SPATA6L: variants seen among roughly 807,000 people sequenced by gnomAD.
The protein encoded by SPATA6L is spermatogenesis associated 6 like, also known as spermatogenesis associated 6-like protein.
SPATA6L carries 68 observed loss-of-function variants against 49.2 expected under a neutral mutation model. The observed-to-expected ratio is 1.38, with a 90% CI of 1.14 to 1.69. The LOEUF (loss-of-function observed/expected upper bound fraction) is 1.69. Among genes scored for constraint, SPATA6L ranks in the 40% most tolerant of loss-of-function variants. The pLI is 0.00. For synonymous variants in SPATA6L, 198 were observed against 165.7 expected (o/e 1.19, Z -1.50); for missense variants, 668 against 464.3 (o/e 1.44, Z -4.03).
intron 9 of SPATA6L, among the ~76,000 whole-genome samples, chr9:4,610,217 C>T (rs1418082356): frequency 1.3e-5 from 2 of 150,976 alleles, no homozygotes; most frequent in Non-Finnish European, 3.0e-5. Flanking sequence ...AATGGCCATA[C>T]TGCCCAAGGT....
At position 4,606,791 on chromosome 9, in the gene SPATA6L, G is replaced by A. The variant is rs1276598451; in HGVS notation, c.996-1351C>T. Among the ~76,000 whole-genome samples the A allele has an allele frequency of 1.1e-4, 17 of 148,446 alleles. 1 individual carries two copies. The Middle Eastern group carries it at 0.014, about 121-fold the overall frequency. On this transcript the variant is annotated intron_variant, in intron 9 of 11. Transcript: ENST00000682582. ...CACCAGCAATGGAACAAAGCTGGAC[G>A]GAGAACGACTTCGACGAGCTGAGAG... is the stretch of plus-strand genomic sequence containing the variant.
At chr9:4,598,006 A>G (rs1302032650), downstream of SPATA6L, among the ~76,000 whole-genome samples, 2 of 152,036 alleles carry the variant, frequency 1.3e-5, no homozygotes, top group Admixed American at 6.5e-5. Context: ...CTCAAATTAC[A>G]CCTAAAACCC....
rs185909998 is a variant in SPATA6L at position 4,599,288 on chromosome 9, C to T, written c.*1523G>A. Among the ~76,000 whole-genome samples the T allele has an allele frequency of 1.2e-3, 188 of 152,266 alleles. No homozygotes were observed. The highest frequency in any genetic ancestry group is 1.9e-3 in the Non-Finnish European group (131 of 68,024). Reference sequence around the variant, plus strand: ...TTTCAGATTTTTAGATTGGGAGGTTCAACTTGGATATACCTTTATTTGGCT... The same window carrying T: ...TTTCAGATTTTTAGATTGGGAGGTTTAACTTGGATATACCTTTATTTGGCT... On this transcript the variant is annotated 3_prime_UTR_variant, in exon 12 of 12. Coordinates refer to ENST00000682582, the MANE Select transcript of SPATA6L (RefSeq NM_001353486.2).
At chr9:4,592,768 T>A (rs1821991905) in intron 13 of SPATA6L, among the ~76,000 whole-genome samples, 1 of 152,246 alleles carries the variant, frequency 6.6e-6, no homozygotes, top group Non-Finnish European at 1.5e-5. Flanking sequence ...GTTGTGTTCT[T>A]ATCATATCCC....
intron 7 of SPATA6L, among the ~76,000 whole-genome samples, chr9:4,619,401 A>C (rs544331136): frequency 1.2e-3 from 176 of 151,106 alleles, no homozygotes; most frequent in Non-Finnish European, 2.3e-3. Context: ...CAGGTGACCC[A>C]CCCGCCTCAG....
intron 3 of SPATA6L, among the ~76,000 whole-genome samples, chr9:4,647,924 T>A (rs1259131237): frequency 6.6e-6 from 1 of 151,916 alleles, no homozygotes; most frequent in Non-Finnish European, 1.5e-5. Context: ...AACCTCTACC[T>A]TGCAGGTTCA....
At chr9:4,603,435 C>T (rs1265234656) in intron 11 of SPATA6L, among the ~76,000 whole-genome samples, 2 of 151,738 alleles carry the variant, frequency 1.3e-5, no homozygotes, top group African/African-American at 4.8e-5. Context: ...AAAACAAAAA[C>T]AAAAACAAAA....
At position 4,605,435 on chromosome 9, in the gene SPATA6L, T is replaced by A; in HGVS notation, c.1001A>T (p.His334Leu). Reference protein sequence around the residue: ...LDQPLLRERFHPGSQSTWKNI... With the variant: ...LDQPLLRERFLPGSQSTWKNI... ...CTTCCATGTGGACTGAGAACCAGGA[T>A]GGAACCTGCTCAACAGATGGAACAG... The change falls in exon 10 of 12, where the codon CAT becomes CTT. Residue 334 changes from histidine (H) to leucine (L), a missense_variant. Transcript: ENST00000682582. The A allele has an allele frequency of 6.2e-7, 1 of 1,613,420 alleles. No homozygotes were observed. Among genetic ancestry groups the A allele is most frequent in the Non-Finnish European group, 8.5e-7 (1 of 1,179,362 alleles).
At chr9:4,624,269 A>G (rs1268489545) in intron 6 of SPATA6L, among the ~76,000 whole-genome samples, 1 of 152,246 alleles carries the variant, frequency 6.6e-6, no homozygotes, top group African/African-American at 2.4e-5. Flanking sequence ...TAATCTGTAT[A>G]TACAGTATAA....
rs1308887403 is a variant in SPATA6L, at chr9:4,606,547, T to A, written c.996-1107A>T. On this transcript the variant is annotated intron_variant, in intron 9 of 11. Transcript: ENST00000682582. ...CCCCCAGCAGGGGCACACTGACACC[T>A]CACACGGCCGGGTACTCCAACAGAC... Among the ~76,000 whole-genome samples, 16 of 37,052 alleles carry A rather than the reference T, an allele frequency of 4.3e-4. 8 individuals are homozygous for A. Among genetic ancestry groups the A allele is most frequent in the Non-Finnish European group, 1.1e-3 (16 of 15,146 alleles). 24.3% of individuals were successfully genotyped at this position (37,052 alleles called of 152,430 possible). A position where few individuals can be genotyped will look rare whatever the true frequency, so the allele number is the denominator to read the frequency against.
rs1822675246 is a variant in SPATA6L at position 4,599,238 on chromosome 9, G to T, written c.*1573C>A. Among the ~76,000 whole-genome samples the T allele has an allele frequency of 6.6e-6, 1 of 152,214 alleles. No homozygotes were observed. Among genetic ancestry groups the T allele is most frequent in the African/African-American group, 2.4e-5 (1 of 41,462 alleles). ...ATGGTGTTATATTGGTGCTCAAAAA[G>T]TTTTGGATTTTGGAGCATTTCAGAT... On this transcript the variant is annotated 3_prime_UTR_variant, in exon 12 of 12. Transcript: ENST00000682582.
At position 4,661,939 on chromosome 9, in the gene SPATA6L, G is replaced by A. The variant is rs1839881490; in HGVS notation, c.137C>T (p.Ala46Val). 6 of 1,613,906 alleles carry A rather than the reference G, an allele frequency of 3.7e-6. No homozygotes were observed. The highest frequency in any genetic ancestry group is 5.1e-6 in the Non-Finnish European group (6 of 1,179,836). ...GCTCTCCTGAATCATAATGGGGAAC[G>A]CAGAGGGAAAGCTGTTGGTCTCCAG... The part of the protein sequence containing the change: ...QYLETNSFPS[A>V]FPIMIQESMR... Residue 46 changes from alanine to valine, a missense_variant, in exon 2 of 12, where the codon GCG becomes GTG. Physicochemically the swap from Ala to Val is moderately conservative, Grantham distance 64. Transcript: ENST00000682582.
At chr9:4,622,146 A>T (rs1829453251) in intron 7 of SPATA6L, among the ~76,000 whole-genome samples, 1 of 152,206 alleles carries the variant, frequency 6.6e-6, no homozygotes, top group Admixed American at 6.5e-5. Context: ...CGGAACAGCC[A>T]GGGGACAACT....
chr9:4,620,198 CCTCATAACCTCCTT>C (rs1009120011), intron 7 of SPATA6L, among the ~76,000 whole-genome samples: 13 of 152,270 alleles, frequency 8.5e-5, no homozygotes, highest in East Asian at 5.8e-4. Flanking sequence ...TGCCCTGTGG[CCTCATAACCTCCTT>C]CTCATAACCT....
chr9:4,594,449 T>A (rs1249517327), downstream of SPATA6L, among the ~76,000 whole-genome samples: 1 of 152,188 alleles, frequency 6.6e-6, no homozygotes, highest in Non-Finnish European at 1.5e-5. Context: ...CCTGAACTCA[T>A]GATCTGCCTG....
rs1249043962 is a variant in SPATA6L, at chr9:4,600,193, T to C, written c.*618A>G. Among the ~76,000 whole-genome samples, 3 of 152,308 alleles carry C rather than the reference T, an allele frequency of 2.0e-5. No homozygotes were observed. The highest frequency in any genetic ancestry group is 2.1e-4 in the South Asian group (1 of 4,828). On this transcript the variant is annotated 3_prime_UTR_variant, in exon 12 of 12. Transcript: ENST00000682582. ...AGGAAACAGAAGGAGCAGTTTAAACTACGCTCCAGAGGAGCCAGCCTCCTC... is the reference window on the plus strand; with the variant it reads ...AGGAAACAGAAGGAGCAGTTTAAACCACGCTCCAGAGGAGCCAGCCTCCTC...
downstream of SPATA6L, chr9:4,596,373 A>G (rs1236630971): frequency 6.6e-6 from 1 of 152,126 alleles, no homozygotes; most frequent in Non-Finnish European, 1.5e-5. Flanking sequence ...AGCAACAACA[A>G]ATGAGCTTTC....
intron 3 of SPATA6L, among the ~76,000 whole-genome samples, chr9:4,651,980 C>T (rs926639692): frequency 4.6e-5 from 7 of 152,068 alleles, no homozygotes; most frequent in African/African-American, 7.2e-5. Context: ...AAATAAAATG[C>T]GCACAAACTA....
intron 13 of SPATA6L, among the ~76,000 whole-genome samples, chr9:4,592,412 C>T (rs1436581622): frequency 2.0e-5 from 3 of 152,068 alleles, no homozygotes; most frequent in African/African-American, 7.2e-5. Context: ...GCTCTTACCA[C>T]TTAAATATGA....
Sources: gnomAD v4.1 joint callset for allele counts (sites outside exome capture counted in the v4.1 genomes callset) on GRCh38, gnomAD v4.1.1 for gene constraint, MANE v1.5 for transcripts, NCBI Gene and HGNC (gene_info 2026-07-23, HGNC 2026-07-21) for gene names.